Variants in PCED1B observed in about 807,000 individuals in gnomAD.
PCED1B encodes the protein PC-esterase domain containing 1B.
For synonymous variants in PCED1B, 251 were observed against 246.1 expected, an observed-to-expected ratio of 1.02 and a Z score of -0.19; for missense variants, 573 against 573.9, an observed-to-expected ratio of 1.00 and a Z score of 0.02.
intron 2 of PCED1B, among the ~76,000 whole-genome samples, chr12:47,122,013 C>T (rs371502771): frequency 1.1e-4 from 15 of 131,880 alleles, no homozygotes; most frequent in African/African-American, 1.5e-4. Flanking sequence ...GGTGACAGAG[C>T]GAGACTCCAT....
chr12:47,177,769 C>A (rs1941969893), intron 2 of PCED1B, among the ~76,000 whole-genome samples: 1 of 152,142 alleles, frequency 6.6e-6, no homozygotes, highest in Admixed American at 6.6e-5. Flanking sequence ...GCCTGGCCAA[C>A]ATGGTGAAAC....
intron 2 of PCED1B, among the ~76,000 whole-genome samples, chr12:47,107,394 C>A (rs1939002773): frequency 1.3e-5 from 2 of 152,332 alleles, no homozygotes; most frequent in Non-Finnish European, 2.9e-5. Flanking sequence ...AGGCTTCTCT[C>A]TTGTTCTCCA....
chr12:47,222,833 C>G (rs1026182580), intron 3 of PCED1B, among the ~76,000 whole-genome samples: 4 of 152,100 alleles, frequency 2.6e-5, no homozygotes, highest in Non-Finnish European at 5.9e-5. Flanking sequence ...CTTTATTGCC[C>G]CAATTCTCAG....
intron 2 of PCED1B, among the ~76,000 whole-genome samples, chr12:47,107,912 G>C (rs542695597): frequency 6.6e-6 from 1 of 151,292 alleles, no homozygotes; most frequent in African/African-American, 2.5e-5. Context: ...TACATGCTGG[G>C]TGTCCTTAGG....
chr12:47,116,996 G>C (rs1336609615), intron 2 of PCED1B, among the ~76,000 whole-genome samples: 2 of 152,152 alleles, frequency 1.3e-5, no homozygotes, highest in Non-Finnish European at 2.9e-5. Context: ...AAATTAACCA[G>C]ATATGGTGGT....
intron 2 of PCED1B, among the ~76,000 whole-genome samples, chr12:47,113,968 A>G (rs7960269): frequency 0.058 from 3,556 of 60,952 alleles, 121 homozygotes; most frequent in African/African-American, 0.19. Context: ...AAAAAAAAAC[A>G]CACACACACA....
In PCED1B at chr12:47,235,575, A is replaced by C. The variant is rs1185854437; in HGVS notation, c.512A>C (p.Glu171Ala). The C allele has an allele frequency of 6.2e-7, 1 of 1,608,644 alleles. No individual in the cohort carries two copies. The change falls in exon 4 of 4, where the codon GAA (glutamate) becomes GCA (alanine). Residue 171 changes from glutamate to alanine, a missense_variant. Coordinates refer to ENST00000546455, the MANE Select transcript of PCED1B (RefSeq NM_138371.3). ...VWNTAMPVGE[E>A]VTGGFLPPKL... Reference sequence around the variant, plus strand: ...AACACGGCCATGCCTGTGGGCGAGGAAGTCACCGGGGGTTTTCTTCCGCCC... The same window carrying C: ...AACACGGCCATGCCTGTGGGCGAGGCAGTCACCGGGGGTTTTCTTCCGCCC...
chr12:47,176,612 A>G (rs138519783), intron 2 of PCED1B, among the ~76,000 whole-genome samples: 13 of 152,324 alleles, frequency 8.5e-5, no homozygotes, highest in African/African-American at 2.9e-4. Flanking sequence ...TAAGTTGGCA[A>G]TAACAAGTAA....
chr12:47,080,783 T>C (rs1445152918), intron 1 of PCED1B, among the ~76,000 whole-genome samples: 1 of 152,146 alleles, frequency 6.6e-6, no homozygotes, highest in East Asian at 1.9e-4. Flanking sequence ...TCTCTTCTCC[T>C]TCCCCTCTTC....
chr12:47,120,701 C>T (rs142581947), intron 2 of PCED1B, among the ~76,000 whole-genome samples: 77 of 152,188 alleles, frequency 5.1e-4, no homozygotes, highest in African/African-American at 1.8e-3. Flanking sequence ...ACTCGAGAGG[C>T]TGAGGCAGGA....
intron 2 of PCED1B, among the ~76,000 whole-genome samples, chr12:47,110,531 A>C (rs1270245533): frequency 6.6e-6 from 1 of 152,266 alleles, no homozygotes; most frequent in Non-Finnish European, 1.5e-5. Flanking sequence ...TTTTTACTGC[A>C]AAAGTGACTT....
intron 2 of PCED1B, among the ~76,000 whole-genome samples, chr12:47,183,709 T>C (rs1316625504): frequency 3.3e-5 from 5 of 152,248 alleles, no homozygotes; most frequent in Non-Finnish European, 7.3e-5. Flanking sequence ...AAAGTGCTTT[T>C]GTTAATTGCA....
chr12:47,080,503 C>T (rs978530743), intron 1 of PCED1B, among the ~76,000 whole-genome samples: 15 of 152,132 alleles, frequency 9.9e-5, no homozygotes, highest in African/African-American at 3.4e-4. Flanking sequence ...GAGGAGGTCG[C>T]GGGGAGGGAA....
chr12:47,222,053 T>C (rs1328694966), intron 3 of PCED1B, among the ~76,000 whole-genome samples: 1 of 148,592 alleles, frequency 6.7e-6, no homozygotes, highest in African/African-American at 2.5e-5. Flanking sequence ...CAGTGAGCCA[T>C]GATCGCACCA....
chr12:47,163,807 C>G (rs900126130), intron 2 of PCED1B, among the ~76,000 whole-genome samples: 1 of 152,276 alleles, frequency 6.6e-6, no homozygotes, highest in African/African-American at 2.4e-5. Context: ...CAACATAGCA[C>G]CCAACTTCTG....
chr12:47,079,990 G>T (rs1369316380), intron 1 of PCED1B: 1 of 151,852 alleles, frequency 6.6e-6, no homozygotes, highest in Admixed American at 6.6e-5. Context: ...CGTGGTGGGG[G>T]GCGCGCGATG....
At chr12:47,218,900 G>A (rs372049784) in intron 3 of PCED1B, among the ~76,000 whole-genome samples, 1 of 152,030 alleles carries the variant, frequency 6.6e-6, no homozygotes, top group Non-Finnish European at 1.5e-5. Flanking sequence ...CAGCACTTTG[G>A]GAGGCCTAGG....
At chr12:47,117,788 G>A in intron 2 of PCED1B, among the ~76,000 whole-genome samples, 1 of 152,186 alleles carries the variant, frequency 6.6e-6, no homozygotes, top group Non-Finnish European at 1.5e-5. Flanking sequence ...CTTCCACAAT[G>A]ATTGAACTAG....
At chr12:47,099,852 C>T (rs1938628824) in intron 1 of PCED1B, among the ~76,000 whole-genome samples, 1 of 152,228 alleles carries the variant, frequency 6.6e-6, no homozygotes, top group South Asian at 2.1e-4. Context: ...ATCTGGGCAC[C>T]TCCAGCATCA....
Sources: allele counts gnomAD v4.1 joint callset (sites outside exome capture counted in the v4.1 genomes callset), GRCh38; gene constraint gnomAD v4.1.1; transcripts MANE v1.5; gene names NCBI Gene and HGNC (gene_info 2026-07-23, HGNC 2026-07-21).